SGCD: variants seen among roughly 807,000 people sequenced by gnomAD.
SGCD encodes delta-sarcoglycan.
SGCD carries 18 observed loss-of-function variants against 36.6 expected under a neutral mutation model. That is an observed-to-expected ratio of 0.49 (90% confidence interval 0.34 to 0.73). SGCD has a LOEUF of 0.73. Among genes scored for constraint, SGCD ranks in the 30% least tolerant of loss-of-function variants. The pLI, the probability that SGCD is intolerant of heterozygous loss-of-function variation, is 0.01. For synonymous variants in SGCD, 133 were observed against 130.6 expected (o/e 1.02, Z -0.12); for missense variants, 387 against 346.7 (o/e 1.12, Z -0.92).
intron 7 of SGCD, among the ~76,000 whole-genome samples, chr5:156,707,593 A>G (rs1462798051): frequency 1.3e-5 from 2 of 152,176 alleles, no homozygotes; most frequent in African/African-American, 2.4e-5. Context: ...TATGAAAACT[A>G]GTCTGTATAT....
At chr5:156,547,221 G>A (rs1293483841) in intron 4 of SGCD, among the ~76,000 whole-genome samples, 2 of 152,132 alleles carry the variant, frequency 1.3e-5, no homozygotes, top group Non-Finnish European at 2.9e-5. Flanking sequence ...ACTGTCCTTT[G>A]TATTGTGGGG....
intron 3 of SGCD, among the ~76,000 whole-genome samples, chr5:156,214,986 T>C (rs541643336): frequency 3.3e-5 from 5 of 152,132 alleles, no homozygotes; most frequent in Admixed American, 3.3e-4. Context: ...CCTAAAACTG[T>C]AAAACTACTA....
intron 3 of SGCD, among the ~76,000 whole-genome samples, chr5:156,285,192 G>A (rs957341235): frequency 6.6e-6 from 1 of 152,124 alleles, no homozygotes; most frequent in African/African-American, 2.4e-5. Context: ...ACAAATGGAA[G>A]AACATTCCAT....
At chr5:155,730,657 C>T in the SGCD span, among the ~76,000 whole-genome samples, 1 of 152,178 alleles carries the variant, frequency 6.6e-6, no homozygotes, top group Non-Finnish European at 1.5e-5. Context: ...TGCCGACCTA[C>T]TGTGGAGTGA....
chr5:156,387,294 TTC>T (rs1771325094), intron 3 of SGCD, among the ~76,000 whole-genome samples: 1 of 152,224 alleles, frequency 6.6e-6, no homozygotes, highest in Non-Finnish European at 1.5e-5. Context: ...GAAATTCAGA[TTC>T]TGTTTCTGGG....
intron 1 of SGCD, among the ~76,000 whole-genome samples, chr5:156,043,254 C>A (rs560715758): frequency 1.3e-5 from 2 of 152,132 alleles, no homozygotes; most frequent in Non-Finnish European, 2.9e-5. Context: ...TGGAACAGAG[C>A]CACCTTGTTG....
intron 3 of SGCD, among the ~76,000 whole-genome samples, chr5:156,288,150 A>T (rs530719910): frequency 6.6e-6 from 1 of 152,318 alleles, no homozygotes; most frequent in East Asian, 1.9e-4. Context: ...TTCATGTCAG[A>T]AAATAGTTTG....
At chr5:156,523,655 T>A (rs569852463) in intron 4 of SGCD, among the ~76,000 whole-genome samples, 27 of 152,208 alleles carry the variant, frequency 1.8e-4, no homozygotes, top group Non-Finnish European at 3.4e-4. Flanking sequence ...ATTTTCTGAT[T>A]CTTATGAAGG....
At chr5:156,227,296 T>G (rs1352988013) in intron 3 of SGCD, among the ~76,000 whole-genome samples, 1 of 152,166 alleles carries the variant, frequency 6.6e-6, no homozygotes, top group Non-Finnish European at 1.5e-5. Flanking sequence ...GAGATGAGGA[T>G]CCAGTTTTAT....
At chr5:155,964,226 T>C (rs907978844) in intron 1 of SGCD, among the ~76,000 whole-genome samples, 3 of 152,142 alleles carry the variant, frequency 2.0e-5, no homozygotes, top group African/African-American at 7.2e-5. Flanking sequence ...ACACTTTTTT[T>C]AGATATCTGT....
intron 1 of SGCD, among the ~76,000 whole-genome samples, chr5:155,955,028 A>C (rs1025603491): frequency 6.6e-6 from 1 of 152,174 alleles, no homozygotes. Flanking sequence ...GCTGCCAGGA[A>C]GGAGGCGTTC....
At chr5:155,864,451 A>C in the SGCD span, among the ~76,000 whole-genome samples, 1 of 152,116 alleles carries the variant, frequency 6.6e-6, no homozygotes, top group Non-Finnish European at 1.5e-5. Context: ...TTTAGGATAT[A>C]GGTGAAATAA....
At chr5:156,527,653 T>C (rs1757699452) in intron 4 of SGCD, among the ~76,000 whole-genome samples, 1 of 152,226 alleles carries the variant, frequency 6.6e-6, no homozygotes, top group South Asian at 2.1e-4. Context: ...GATCTGGATA[T>C]AATCAATGGT....
chr5:155,822,397 C>T, the SGCD span, among the ~76,000 whole-genome samples: 1 of 152,196 alleles, frequency 6.6e-6, no homozygotes, highest in Non-Finnish European at 1.5e-5. Context: ...CTGCTGGATG[C>T]AGGCTGCTCA....
At chr5:156,388,602 G>C (rs974327584) in intron 3 of SGCD, among the ~76,000 whole-genome samples, 44 of 152,328 alleles carry the variant, frequency 2.9e-4, no homozygotes, top group Admixed American at 9.8e-4. Context: ...CAAAGTGCCA[G>C]AGTCTATGCA....
At chr5:156,364,945 A>T (rs767472663) in intron 3 of SGCD, among the ~76,000 whole-genome samples, 2 of 152,200 alleles carry the variant, frequency 1.3e-5, no homozygotes, top group Non-Finnish European at 2.9e-5. Flanking sequence ...TCTGGGCATC[A>T]TGGTGCATGT....
intron 3 of SGCD, among the ~76,000 whole-genome samples, chr5:156,186,271 CAT>C (rs1309822241): frequency 6.6e-6 from 1 of 151,984 alleles, no homozygotes; most frequent in African/African-American, 2.4e-5. Context: ...TGAGTTCTAA[CAT>C]ATTGAGGTTG....
At chr5:156,685,077 C>G (rs80000754) in intron 7 of SGCD, among the ~76,000 whole-genome samples, 9,669 of 152,094 alleles carry the variant, frequency 0.064, 780 homozygotes, top group African/African-American at 0.19. Flanking sequence ...GGGAAAGAAA[C>G]GTTTCTCAAA....
intron 1 of SGCD, among the ~76,000 whole-genome samples, chr5:155,975,207 C>T (rs1197271819): frequency 1.3e-5 from 2 of 152,204 alleles, no homozygotes; most frequent in Non-Finnish European, 2.9e-5. Context: ...TTATCACAAT[C>T]TGCACCATCA....
Sources: gnomAD v4.1 joint callset for allele counts (sites outside exome capture counted in the v4.1 genomes callset) on GRCh38, gnomAD v4.1.1 for gene constraint, MANE v1.5 for transcripts, NCBI Gene and HGNC (gene_info 2026-07-23, HGNC 2026-07-21) for gene names.